Variants in BLOC1S5 observed in about 807,000 individuals in gnomAD.
BLOC1S5 encodes the protein biogenesis of lysosome-related organelles complex 1 subunit 5.
In BLOC1S5, 27 loss-of-function variants were observed where a neutral mutation model predicts 24.3. That is an observed-to-expected ratio of 1.11 (90% CI 0.82 to 1.53). The LOEUF is 1.53. BLOC1S5 is among the 40% of genes most tolerant of loss of function. The probability of loss-of-function intolerance (pLI) is 0.00; values close to 1 mark genes in which losing one functional copy is unlikely to be tolerated. For synonymous variants in BLOC1S5, 84 were observed against 74.5 expected, an observed-to-expected ratio of 1.13 and a Z score of -0.66; for missense variants, 239 against 229.4, an observed-to-expected ratio of 1.04 and a Z score of -0.27.
At chr6:8,045,582 G>A (rs1003625753) in intron 2 of BLOC1S5, among the ~76,000 whole-genome samples, 3 of 152,152 alleles carry the variant, frequency 2.0e-5, no homozygotes, top group Non-Finnish European at 2.9e-5. Context: ...AAAGAAGCTA[G>A]GAGGGAGGCT....
intron 2 of BLOC1S5, among the ~76,000 whole-genome samples, chr6:8,041,583 A>G (rs1049742496): frequency 6.6e-6 from 1 of 150,502 alleles, no homozygotes; most frequent in African/African-American, 2.4e-5. Flanking sequence ...AAGTGCTGGG[A>G]TTATAATCGT....
chr6:8,040,773 T>C (rs1763650354), intron 3 of BLOC1S5, among the ~76,000 whole-genome samples: 1 of 151,774 alleles, frequency 6.6e-6, no homozygotes, highest in East Asian at 1.9e-4. Context: ...CAAGAACCAC[T>C]TGAATCTGGG....
intron 3 of BLOC1S5, among the ~76,000 whole-genome samples, chr6:8,037,008 C>A (rs1423609439): frequency 1.3e-5 from 2 of 152,108 alleles, no homozygotes; most frequent in Non-Finnish European, 2.9e-5. Context: ...TAGCTGTGGG[C>A]AAACCCACAG....
intron 2 of BLOC1S5, among the ~76,000 whole-genome samples, chr6:8,048,985 G>A (rs1047328247): frequency 3.5e-5 from 5 of 141,894 alleles, no homozygotes; most frequent in African/African-American, 1.3e-4. Flanking sequence ...CTTCACTCCA[G>A]CCTAGGTGAA....
At chr6:8,047,352 C>T (rs148950359) in intron 2 of BLOC1S5, among the ~76,000 whole-genome samples, 14 of 151,960 alleles carry the variant, frequency 9.2e-5, no homozygotes, top group East Asian at 1.9e-4. Flanking sequence ...GGGCTACAGG[C>T]GCACATTATG....
chr6:8,044,283 CAAAAAAAAAAA>C (rs1175141654), intron 2 of BLOC1S5, among the ~76,000 whole-genome samples: 3 of 89,000 alleles, frequency 3.4e-5, no homozygotes, highest in Admixed American at 1.4e-4. Flanking sequence ...GACTCTGTCT[CAAAAAAAAAAA>C]AAAAAAAAAA....
intron 4 of BLOC1S5, among the ~76,000 whole-genome samples, chr6:8,023,419 G>A (rs148293850): frequency 0.01 from 1,524 of 152,176 alleles, 13 homozygotes; most frequent in Admixed American, 0.02. Flanking sequence ...GTGAAACCCC[G>A]TTTCTACTAA....
intron 2 of BLOC1S5, among the ~76,000 whole-genome samples, chr6:8,061,171 G>A (rs554631325): frequency 1.3e-5 from 2 of 151,734 alleles, no homozygotes; most frequent in East Asian, 3.9e-4. Context: ...TACACAGCAC[G>A]GTAAAGGAAT....
chr6:8,062,567 T>G lies in BLOC1S5; in HGVS notation c.162A>C (p.Gln54His). The G allele has an allele frequency of 6.2e-7, 1 of 1,600,742 alleles. No homozygotes were observed. Among genetic ancestry groups the G allele is most frequent in the Non-Finnish European group, 8.5e-7 (1 of 1,172,570 alleles). ...SRLLDHRPVI[Q>H]GETRYFVKEF... is the part of the protein sequence containing the mutation. ...CTTTTACAAAATAACGAGTTTCACC[T>G]TGAATAACTGGTCTGTGATCCAAAA... Residue 54 changes from glutamine (Q) to histidine (H), a missense_variant, in exon 2 of 5, where the codon CAA (glutamine) becomes CAC (histidine). Transcript: ENST00000397457.
intron 3 of BLOC1S5, among the ~76,000 whole-genome samples, chr6:8,032,663 A>G (rs1581406861): frequency 6.6e-6 from 1 of 152,354 alleles, no homozygotes; most frequent in East Asian, 1.9e-4. Flanking sequence ...AGGGTATTCA[A>G]TTAGGAAAAC....
In BLOC1S5 at chr6:8,054,954, T is replaced by C. The variant is rs191719127; in HGVS notation, c.195+7580A>G. ...GACTCTTCAGTTGTTTATTCACTCATGTTCCTTTTAGTTTAGTTTTCATTT... is the reference window on the plus strand; with the variant it reads ...GACTCTTCAGTTGTTTATTCACTCACGTTCCTTTTAGTTTAGTTTTCATTT... On this transcript the variant is annotated intron_variant, in intron 2 of 4. Transcript: ENST00000397457. Among the ~76,000 whole-genome samples the C allele has an allele frequency of 4.7e-3, 710 of 152,366 alleles. 5 individuals carry two copies. Among genetic ancestry groups the C allele is most frequent in the African/African-American group, 0.016 (656 of 41,594 alleles).
intron 3 of BLOC1S5, among the ~76,000 whole-genome samples, chr6:8,037,392 A>G (rs537999561): frequency 8.9e-4 from 136 of 152,310 alleles, no homozygotes; most frequent in Admixed American, 2.7e-3. Flanking sequence ...CAAAGAACAT[A>G]AAATACCTAG....
intron 3 of BLOC1S5, among the ~76,000 whole-genome samples, chr6:8,028,988 A>C (rs990901496): frequency 1.3e-5 from 2 of 152,198 alleles, no homozygotes; most frequent in African/African-American, 4.8e-5. Flanking sequence ...TCAAGAATTT[A>C]TCAAGTGCTT....
intron 4 of BLOC1S5, among the ~76,000 whole-genome samples, chr6:8,025,583 C>A (rs1384962079): frequency 6.6e-6 from 1 of 152,166 alleles, no homozygotes; most frequent in African/African-American, 2.4e-5. Flanking sequence ...GCAGAGGGTA[C>A]AGAAACTGAA....
chr6:8,045,490 C>T (rs1197393176), intron 2 of BLOC1S5, among the ~76,000 whole-genome samples: 1 of 152,134 alleles, frequency 6.6e-6, no homozygotes, highest in Admixed American at 6.5e-5. Flanking sequence ...GACCACCGTC[C>T]TCCAGACCCC....
At chr6:8,038,410 C>T (rs1041376898) in intron 3 of BLOC1S5, among the ~76,000 whole-genome samples, 1 of 152,126 alleles carries the variant, frequency 6.6e-6, no homozygotes, top group Non-Finnish European at 1.5e-5. Context: ...AAAAAGTGCC[C>T]AAGATCACTA....
chr6:8,045,793 T>C (rs905202627), intron 2 of BLOC1S5, among the ~76,000 whole-genome samples: 4 of 152,224 alleles, frequency 2.6e-5, no homozygotes, highest in Non-Finnish European at 5.9e-5. Context: ...GGAACGGCTG[T>C]ATTTACCCAA....
chr6:8,041,052 ACCTCCC>A, intron 3 of BLOC1S5, 81 bp downstream of exon 3: 1 of 1,431,136 alleles, frequency 7.0e-7, no homozygotes, highest in Non-Finnish European at 9.4e-7. Context: ...CTCCCTCTCC[ACCTCCC>A]CCCATAATAC....
chr6:8,026,280 G>T, intron 4 of BLOC1S5, 87 bp downstream of exon 4: 2 of 1,103,940 alleles, frequency 1.8e-6, no homozygotes, highest in Admixed American at 1.9e-5. Context: ...ACTGCATTCA[G>T]AGAATTTTCT....
Sources: gnomAD v4.1 joint callset for allele counts (sites outside exome capture counted in the v4.1 genomes callset) on GRCh38, gnomAD v4.1.1 for gene constraint, MANE v1.5 for transcripts, NCBI Gene and HGNC (gene_info 2026-07-23, HGNC 2026-07-21) for gene names.